The following MARCHF3 variants were observed in gnomAD, a reference collection of about 807,000 sequenced individuals.
MARCHF3 encodes the protein E3 ubiquitin-protein ligase MARCHF3.
In MARCHF3, 13 loss-of-function variants were observed where a neutral mutation model predicts 24.2. That is an observed-to-expected ratio of 0.54 (90% CI 0.35 to 0.85). The LOEUF (loss-of-function observed/expected upper bound fraction) is 0.85. MARCHF3 is among the 40% of genes least tolerant of loss of function. MARCHF3 has a pLI of 0.01. For missense variants in MARCHF3, 276 were observed against 325.0 expected (o/e 0.85, Z 1.16); for synonymous variants, 144 against 137.3 (o/e 1.05, Z -0.34).
intron 1 of MARCHF3, among the ~76,000 whole-genome samples, chr5:126,997,206 G>T (rs1751977141): frequency 6.6e-6 from 1 of 152,178 alleles, no homozygotes; most frequent in African/African-American, 2.4e-5. Context: ...AGTGGTTACT[G>T]AGTAGGTTAC....
chr5:126,882,166 A>C (rs1055475770), intron 3 of MARCHF3, among the ~76,000 whole-genome samples: 1 of 152,096 alleles, frequency 6.6e-6, no homozygotes, highest in African/African-American at 2.4e-5. Context: ...CCAGCCTCAC[A>C]TGTTCTCTTC....
intron 1 of MARCHF3, among the ~76,000 whole-genome samples, chr5:127,014,898 A>C (rs1458372474): frequency 2.0e-5 from 3 of 152,228 alleles, no homozygotes; most frequent in Non-Finnish European, 2.9e-5. Flanking sequence ...ATAGCACTGT[A>C]GTGTTTTATA....
intron 3 of MARCHF3, among the ~76,000 whole-genome samples, chr5:126,889,379 T>C (rs1753602426): frequency 6.6e-6 from 1 of 151,850 alleles, no homozygotes; most frequent in South Asian, 2.1e-4. Context: ...TTTGAAGGAA[T>C]AGAGAGGAAA....
chr5:126,905,854 T>G (rs1754273369), intron 3 of MARCHF3, among the ~76,000 whole-genome samples: 1 of 152,122 alleles, frequency 6.6e-6, no homozygotes, highest in Non-Finnish European at 1.5e-5. Flanking sequence ...AACACTATGT[T>G]GAATAGAAGT....
At chr5:126,930,600 G>A (rs536328730) in intron 1 of MARCHF3, among the ~76,000 whole-genome samples, 12 of 152,332 alleles carry the variant, frequency 7.9e-5, no homozygotes, top group Admixed American at 5.9e-4. Context: ...AAGCCTGCAG[G>A]TGCCATGTGG....
chr5:126,918,893 A>C (rs1749002306), intron 1 of MARCHF3, among the ~76,000 whole-genome samples: 1 of 152,210 alleles, frequency 6.6e-6, no homozygotes, highest in Non-Finnish European at 1.5e-5. Flanking sequence ...CTTTGTCTTC[A>C]AGTTATTCAT....
chr5:126,882,837 G>C (rs188169108), intron 3 of MARCHF3, among the ~76,000 whole-genome samples: 1 of 152,090 alleles, frequency 6.6e-6, no homozygotes, highest in African/African-American at 2.4e-5. Context: ...AATAATCTTA[G>C]AATCATTATT....
At chr5:126,974,218 G>A (rs755413513) in intron 1 of MARCHF3, among the ~76,000 whole-genome samples, 4 of 152,168 alleles carry the variant, frequency 2.6e-5, no homozygotes, top group Admixed American at 6.5e-5. Flanking sequence ...TTTTTAAAGT[G>A]AGGTGCCCAG....
intron 3 of MARCHF3, among the ~76,000 whole-genome samples, chr5:126,895,599 G>T (rs1169886336): frequency 6.6e-6 from 1 of 152,084 alleles, no homozygotes; most frequent in African/African-American, 2.4e-5. Flanking sequence ...CCCCTGCTGG[G>T]GGGTGCCTCC....
At chr5:126,918,256 G>C (rs1748977569) in intron 1 of MARCHF3, 29 bp from the exon 2 acceptor site, 1 of 1,399,846 alleles carries the variant, frequency 7.1e-7, no homozygotes, top group Admixed American at 2.7e-5. Flanking sequence ...CAGTTTACTT[G>C]GGCAGGGTGG....
chr5:126,919,122 A>G (rs1749012302), intron 1 of MARCHF3, among the ~76,000 whole-genome samples: 1 of 152,230 alleles, frequency 6.6e-6, no homozygotes, highest in Non-Finnish European at 1.5e-5. Context: ...GGTTTATCAT[A>G]TAAACCGTGA....
chr5:126,968,403 T>C (rs1750889390), intron 1 of MARCHF3, among the ~76,000 whole-genome samples: 1 of 152,208 alleles, frequency 6.6e-6, no homozygotes, highest in Non-Finnish European at 1.5e-5. Flanking sequence ...ATATTTGTTA[T>C]TGTTTATCTT....
At chr5:126,995,479 C>A (rs144435542) in intron 1 of MARCHF3, among the ~76,000 whole-genome samples, 17 of 152,124 alleles carry the variant, frequency 1.1e-4, no homozygotes, top group Non-Finnish European at 2.4e-4. Flanking sequence ...ATTATTAAAG[C>A]CTGCCATGTG....
At chr5:126,904,962 T>C (rs62392901) in intron 3 of MARCHF3, among the ~76,000 whole-genome samples, 52,168 of 101,238 alleles carry the variant, frequency 0.52, 12,805 homozygotes, top group East Asian at 0.74. Context: ...AACGTTTAAG[T>C]CTTTAATCCA....
At chr5:126,898,958 T>TA (rs1471616773) in intron 3 of MARCHF3, 1 of 985,160 alleles carries the variant, frequency 1.0e-6, no homozygotes, top group African/African-American at 1.7e-5. Context: ...ATTAAACTTT[T>TA]TTTTTTAGTA....
intron 1 of MARCHF3, among the ~76,000 whole-genome samples, chr5:126,925,397 C>CT (rs1002134913): frequency 1.6e-4 from 24 of 149,796 alleles, no homozygotes; most frequent in East Asian, 3.9e-4. Flanking sequence ...TCAGACAGAT[C>CT]TTTTTTTTTT....
chr5:126,956,437 G>A (rs951373734), intron 1 of MARCHF3, among the ~76,000 whole-genome samples: 12 of 151,698 alleles, frequency 7.9e-5, no homozygotes, highest in Non-Finnish European at 1.8e-4. Flanking sequence ...CCAGGAGTTC[G>A]AGACCAGCCT....
intron 1 of MARCHF3, among the ~76,000 whole-genome samples, chr5:126,975,097 T>C (rs1751149343): frequency 1.3e-5 from 2 of 152,098 alleles, no homozygotes; most frequent in African/African-American, 2.4e-5. Context: ...GCTGGGACTA[T>C]AGGCGCATGC....
At chr5:126,939,414 T>C (rs1749753566) in intron 1 of MARCHF3, among the ~76,000 whole-genome samples, 1 of 152,222 alleles carries the variant, frequency 6.6e-6, no homozygotes, top group Admixed American at 6.5e-5. Context: ...CTACCTGTTC[T>C]TCATTTCTTT....
Sources: allele counts gnomAD v4.1 joint callset (sites outside exome capture counted in the v4.1 genomes callset), GRCh38; gene constraint gnomAD v4.1.1; transcripts MANE v1.5; gene names NCBI Gene and HGNC (gene_info 2026-07-23, HGNC 2026-07-21).